The following CA7 variants were observed in gnomAD, a reference collection of about 807,000 sequenced individuals.
The protein encoded by CA7 is carbonic anhydrase 7.
CA7 carries 13 observed loss-of-function variants against 31.4 expected under a neutral mutation model. The observed-to-expected ratio is 0.41, with a 90% CI of 0.27 to 0.66. CA7 has a LOEUF of 0.66. Ranked by LOEUF, CA7 falls within the 30% of genes least tolerant of loss-of-function variation. The pLI is 0.28. For missense variants in CA7, 215 were observed against 351.0 expected, an observed-to-expected ratio of 0.61 and a Z score of 3.10; for synonymous variants, 128 against 133.2, an observed-to-expected ratio of 0.96 and a Z score of 0.27.
chr16:66,851,778 C>G (rs761661449), intron 5 of CA7, 52 bp downstream of exon 5: 3 of 1,537,664 alleles, frequency 2.0e-6, no homozygotes, highest in Non-Finnish European at 2.7e-6. Flanking sequence ...GAGGAAGAGG[C>G]TGGCTCACAA....
intron 6 of CA7, 49 bp downstream of exon 6, chr16:66,852,916 A>T: frequency 1.3e-6 from 2 of 1,562,972 alleles, no homozygotes; most frequent in Non-Finnish European, 1.7e-6. Flanking sequence ...CTCAGGGCTC[A>T]CCCCAGGCAG....
chr16:66,850,143 A>ATG, intron 2 of CA7, among the ~76,000 whole-genome samples: 1 of 132,668 alleles, frequency 7.5e-6, no homozygotes, highest in African/African-American at 2.9e-5. Flanking sequence ...AAAAAAAAAA[A>ATG]GGAAAAATGT....
At chr16:66,848,911 C>G (rs1022508759) in intron 2 of CA7, among the ~76,000 whole-genome samples, 10 of 152,172 alleles carry the variant, frequency 6.6e-5, no homozygotes, top group Admixed American at 2.6e-4. Flanking sequence ...CTGATTAGGG[C>G]CCCACCCACA....
chr16:66,845,517 T>C (rs538078025), intron 1 of CA7, among the ~76,000 whole-genome samples: 1 of 152,198 alleles, frequency 6.6e-6, no homozygotes, highest in South Asian at 2.1e-4. Flanking sequence ...TGTGGAGTCT[T>C]TGGCTCCCTC....
intron 1 of CA7, among the ~76,000 whole-genome samples, chr16:66,845,974 A>G (rs1960920497): frequency 6.6e-6 from 1 of 152,168 alleles, no homozygotes; most frequent in African/African-American, 2.4e-5. Context: ...TGAGTCATCC[A>G]TTGGGGACAC....
chr16:66,851,782 C>T, intron 5 of CA7, 56 bp downstream of exon 5: 1 of 1,517,828 alleles, frequency 6.6e-7, no homozygotes, highest in Non-Finnish European at 9.1e-7. Context: ...AAGAGGCTGG[C>T]TCACAAGTTG....
rs773943619 is a variant in CA7 at position 66,847,234 on chromosome 16, G to A, written c.238+7G>A. ...GACAGCGATGACCGAACCGGTAAGT[G>A]GCCCCTGCCAAAGCCTGGCACCTGG... On this transcript the variant is annotated splice_region_variant and intron_variant, in intron 2 of 6. Coordinates refer to ENST00000338437, the MANE Select transcript of CA7 (RefSeq NM_005182.3). The A allele has an allele frequency of 1.2e-6, 2 of 1,613,986 alleles. No homozygotes were observed. Among genetic ancestry groups the A allele is most frequent in the Admixed American group, 1.7e-5 (1 of 60,014 alleles).
chr16:66,852,153 A>C (rs186341970), intron 5 of CA7, among the ~76,000 whole-genome samples: 2 of 152,272 alleles, frequency 1.3e-5, no homozygotes, highest in African/African-American at 4.8e-5. Flanking sequence ...GAGAGGCCTA[A>C]ATCCTGCTGA....
intron 1 of CA7, chr16:66,845,258 TGGGTCTG>T: frequency 1.0e-6 from 1 of 983,368 alleles, no homozygotes; most frequent in Non-Finnish European, 1.2e-6. Context: ...GGCTGGAGTG[TGGGTCTG>T]GGGCAGTCAA....
intron 2 of CA7, 85 bp downstream of exon 2, chr16:66,847,312 C>A: frequency 8.2e-7 from 1 of 1,222,102 alleles, no homozygotes; most frequent in Non-Finnish European, 1.2e-6. Context: ...AGGAAGCATG[C>A]TATGGTGGGT....
rs1277686975 is a variant in CA7 at position 66,847,239 on chromosome 16, C to T, written c.238+12C>T. On this transcript the variant is annotated intron_variant, in intron 2 of 6. Coordinates refer to ENST00000338437, the MANE Select transcript of CA7 (RefSeq NM_005182.3). ...CGATGACCGAACCGGTAAGTGGCCC[C>T]TGCCAAAGCCTGGCACCTGGCCCCT... The T allele has an allele frequency of 6.2e-7, 1 of 1,613,500 alleles. No individual in the cohort carries two copies. The highest frequency in any genetic ancestry group is 1.7e-5 in the Admixed American group (1 of 60,000).
intron 1 of CA7, chr16:66,845,091 C>T (rs918145775): frequency 1.0e-6 from 1 of 985,572 alleles, no homozygotes; most frequent in Admixed American, 6.1e-5. Context: ...TGGGTGTCTA[C>T]ACCGAGCAGG....
At chr16:66,851,240 G>C (rs965656935) in intron 3 of CA7, among the ~76,000 whole-genome samples, 3 of 152,208 alleles carry the variant, frequency 2.0e-5, no homozygotes, top group Admixed American at 6.5e-5. Context: ...ATTCCTCTTT[G>C]GGTCCCCCGG....
In CA7 at chr16:66,847,020, C is replaced by T. The variant is rs1396062965; in HGVS notation, c.41-10C>T. ...CTGGCCTGAGTCCTTGCCCTCCTCC[C>T]CACCTGCAGGCCCCTCGCATTGGCA... On this transcript the variant is annotated splice_polypyrimidine_tract_variant and intron_variant, in intron 1 of 6. Transcript: ENST00000338437. The T allele has an allele frequency of 3.1e-6, 5 of 1,613,954 alleles. No individual in the cohort carries two copies. The highest frequency in any genetic ancestry group is 4.2e-6 in the Non-Finnish European group (5 of 1,179,904).
chr16:66,844,436 C>G lies in CA7; in HGVS notation c.-52C>G, dbSNP rs918224883. ...AGCGGGGCCGGAGCCGCAGCCCGAACGAGCGGACCGAGCCGACCGGGCAGG... is the reference window on the plus strand; with the variant it reads ...AGCGGGGCCGGAGCCGCAGCCCGAAGGAGCGGACCGAGCCGACCGGGCAGG... On this transcript the variant is annotated 5_prime_UTR_variant, in exon 1 of 7. Coordinates refer to ENST00000338437, the MANE Select transcript of CA7 (RefSeq NM_005182.3). The G allele has an allele frequency of 9.4e-6, 14 of 1,484,378 alleles. No homozygotes were observed. In the African/African-American group the frequency reaches 1.2e-4, roughly 12 times the overall value. 92.0% of individuals were successfully genotyped at this position (1,484,378 alleles called of 1,614,324 possible). A position where few individuals can be genotyped will look rare whatever the true frequency, so the allele number is the denominator to read the frequency against.
chr16:66,846,316 G>A (rs1046165700), intron 1 of CA7, among the ~76,000 whole-genome samples: 14 of 152,152 alleles, frequency 9.2e-5, no homozygotes, highest in Non-Finnish European at 1.0e-4. Flanking sequence ...GGCTGTGTGT[G>A]TGTTTGTACA....
chr16:66,847,254 A>ACCTGGCC (rs1567505423), intron 2 of CA7, 27 bp downstream of exon 2: 2 of 1,608,258 alleles, frequency 1.2e-6, no homozygotes, highest in Non-Finnish European at 1.7e-6. Context: ...AAAGCCTGGC[A>ACCTGGCC]CCTGGCCCCT....
chr16:66,844,648 G>A, intron 1 of CA7, 121 bp downstream of exon 1: 1 of 835,000 alleles, frequency 1.2e-6, no homozygotes, highest in Non-Finnish European at 1.8e-6. Context: ...GGCTGGGCGG[G>A]ACCCCTCTTC....
chr16:66,844,661 A>G, intron 1 of CA7, 134 bp downstream of exon 1: 1 of 716,952 alleles, frequency 1.4e-6, no homozygotes, highest in Non-Finnish European at 2.1e-6. Flanking sequence ...CCCTCTTCCC[A>G]TCCCGGCCCC....
Sources: gnomAD v4.1 joint callset for allele counts (sites outside exome capture counted in the v4.1 genomes callset) on GRCh38, gnomAD v4.1.1 for gene constraint, MANE v1.5 for transcripts, NCBI Gene and HGNC (gene_info 2026-07-23, HGNC 2026-07-21) for gene names.